The following ABL1 variants were observed in gnomAD, a reference collection of about 807,000 sequenced individuals.
ABL1 encodes the protein tyrosine-protein kinase ABL1.
ABL1 carries 11 observed loss-of-function variants against 94.7 expected under a neutral mutation model. The observed-to-expected ratio is 0.12, with a 90% CI of 0.07 to 0.19. The LOEUF (loss-of-function observed/expected upper bound fraction) is 0.19, where lower values mean the gene tolerates loss of function less well. ABL1 is among the 10% of genes least tolerant of loss of function. The pLI is 1.00. For synonymous variants in ABL1, 656 were observed against 622.4 expected (o/e 1.05, Z -0.80); for missense variants, 1,082 against 1,489.4 (o/e 0.73, Z 4.50).
chr9:130,847,508 C>G (rs1171205706), intron 1 of ABL1, among the ~76,000 whole-genome samples: 1 of 152,118 alleles, frequency 6.6e-6, no homozygotes, highest in African/African-American at 2.4e-5. Context: ...AAGCTGTGAT[C>G]ATTTTTAAGG....
chr9:130,864,764 C>T (rs1192960195), intron 4 of ABL1, among the ~76,000 whole-genome samples: 2 of 152,110 alleles, frequency 1.3e-5, no homozygotes, highest in Admixed American at 6.5e-5. Context: ...TGCAGGTGCC[C>T]CAGCTCCTTG....
rs1830551165 is a variant in ABL1 at position 130,835,351 on chromosome 9, G to A, written c.-96G>A. The A allele has an allele frequency of 1.9e-5, 8 of 422,966 alleles. No individual in the cohort carries two copies. The highest frequency in any genetic ancestry group is 1.6e-5 in the Non-Finnish European group (6 of 384,358). 26.2% of individuals were successfully genotyped at this position (422,966 alleles called of 1,614,324 possible). On this transcript the variant is annotated 5_prime_UTR_variant, in exon 1 of 11. Coordinates refer to ENST00000318560, the MANE Select transcript of ABL1 (RefSeq NM_005157.6). The surrounding 1 kb of genome is among the most constrained non-coding windows in gnomAD (Gnocchi z 4.6). ...GTGAGGGCGGCTGGCGGGGCCGGGG[G>A]CGCCGGGGGGGCGCGCGGGCCGAGC...
intron 1 of ABL1, among the ~76,000 whole-genome samples, chr9:130,801,706 TGC>T (rs1353887723): frequency 2.0e-5 from 3 of 152,250 alleles, no homozygotes. Context: ...GTTTTGTTTT[TGC>T]CCCTTATAGA....
chr9:130,740,252 G>T (rs986671296), intron 1 of ABL1, among the ~76,000 whole-genome samples: 1 of 152,218 alleles, frequency 6.6e-6, no homozygotes, highest in Non-Finnish European at 1.5e-5. Flanking sequence ...GGGGGACAAT[G>T]AACCACAGGG....
intron 1 of ABL1, among the ~76,000 whole-genome samples, chr9:130,754,507 C>CAAAA (rs34396002): frequency 0.01 from 824 of 78,564 alleles, 25 homozygotes; most frequent in South Asian, 0.031. Flanking sequence ...GACTCCGTCT[C>CAAAA]AAAAAAAAAA....
intron 1 of ABL1, among the ~76,000 whole-genome samples, chr9:130,772,393 G>A (rs1832263394): frequency 6.6e-6 from 1 of 152,216 alleles, no homozygotes; most frequent in African/African-American, 2.4e-5. Flanking sequence ...ACTCACAGAT[G>A]GTCATGATTT....
chr9:130,724,795 G>T, intron 1 of ABL1: 1 of 475,928 alleles, frequency 2.1e-6, no homozygotes, highest in Non-Finnish European at 4.1e-6. Context: ...GAGATGAACT[G>T]GATGCTGCAA....
upstream of ABL1, among the ~76,000 whole-genome samples, chr9:130,831,888 G>A (rs147711954): frequency 2.2e-3 from 339 of 152,218 alleles, 1 homozygote; most frequent in African/African-American, 7.5e-3. Context: ...GATTACAGGC[G>A]TGAGCTACTG....
Position 130,864,980 on chromosome 9 carries a change from G to A in ABL1, c.822+1945G>A, listed in dbSNP as rs3808818. 9.9e-5 allele frequency among the ~76,000 whole-genome samples: 15 copies of A among 152,280 alleles called. No homozygotes were observed. In the East Asian group the frequency reaches 2.7e-3, roughly 27 times the overall value. Reference sequence around the variant, plus strand: ...TGTACAACTTGACATTTGAGGAAACGCTACTTCAGTAGATGGTGCTGTGGC... The same window carrying A: ...TGTACAACTTGACATTTGAGGAAACACTACTTCAGTAGATGGTGCTGTGGC... On this transcript the variant is annotated intron_variant, in intron 4 of 10. Transcript: ENST00000318560.
At chr9:130,832,622 G>A (rs1472152549), upstream of ABL1, among the ~76,000 whole-genome samples, 2 of 152,226 alleles carry the variant, frequency 1.3e-5, no homozygotes, top group African/African-American at 4.8e-5. Context: ...TGAGGCTTAA[G>A]AGTGCCTGGC....
At chr9:130,816,811 C>A (rs528287929) in intron 1 of ABL1, among the ~76,000 whole-genome samples, 3 of 152,336 alleles carry the variant, frequency 2.0e-5, no homozygotes, top group African/African-American at 7.2e-5. Context: ...TCAAGCGATT[C>A]TCCTGCCTCA....
intron 1 of ABL1, among the ~76,000 whole-genome samples, chr9:130,798,385 T>C (rs1172644693): frequency 6.6e-6 from 1 of 152,202 alleles, no homozygotes; most frequent in Non-Finnish European, 1.5e-5. Flanking sequence ...AGAAAAGCTA[T>C]ATTAGTGATG....
intron 1 of ABL1, among the ~76,000 whole-genome samples, chr9:130,776,691 G>T (rs1829663239): frequency 1.3e-5 from 2 of 152,114 alleles, no homozygotes; most frequent in Non-Finnish European, 2.9e-5. Flanking sequence ...GGGGGGAGTT[G>T]CAGGGCTAGT....
chr9:130,834,831 C>G (rs772886144), upstream of ABL1: 85 of 452,062 alleles, frequency 1.9e-4, no homozygotes, highest in African/African-American at 1.4e-3. Flanking sequence ...GAAATGAGAC[C>G]AGTTAGTATT....
Position 130,845,960 on chromosome 9 carries a change from G to A in ABL1, c.80-8104G>A, listed in dbSNP as rs189781719. On this transcript the variant is annotated intron_variant, in intron 1 of 10. Transcript: ENST00000318560. ...GCAGCTGTGTTTCTCCAAGGAGCGG[G>A]GCTACTGCTGGTTCTTTACGTCTTT... Among the ~76,000 whole-genome samples the A allele has an allele frequency of 1.1e-3, 170 of 152,214 alleles. 2 individuals are homozygous for A. The highest frequency in any genetic ancestry group is 4.1e-3 in the African/African-American group (169 of 41,532).
At chr9:130,809,629 G>A (rs966548845) in intron 1 of ABL1, among the ~76,000 whole-genome samples, 1 of 152,156 alleles carries the variant, frequency 6.6e-6, no homozygotes, top group East Asian at 1.9e-4. Context: ...CCAAAGGCAG[G>A]AAAAAAGTTG....
Position 130,874,965 on chromosome 9 carries a change from G to A in ABL1, c.1183G>A (p.Ala395Thr). The A allele has an allele frequency of 6.2e-7, 1 of 1,614,194 alleles. No individual in the cohort carries two copies. The highest frequency in any genetic ancestry group is 8.5e-7 in the Non-Finnish European group (1 of 1,180,034). The change falls in exon 7 of 11, where the codon GCC (alanine) becomes ACC (threonine). Residue 395 changes from alanine (A) to threonine (T), a missense_variant. Coordinates refer to ENST00000318560, the MANE Select transcript of ABL1 (RefSeq NM_005157.6). ...SRLMTGDTYT[A>T]HAGAKFPIKW... Reference sequence around the variant, plus strand: ...GTTGATGACAGGGGACACCTACACAGCCCATGCTGGAGCCAAGTTCCCCAT... The same window carrying A: ...GTTGATGACAGGGGACACCTACACAACCCATGCTGGAGCCAAGTTCCCCAT...
At chr9:130,748,584 T>TC (rs1249491870) in intron 1 of ABL1, among the ~76,000 whole-genome samples, 1 of 152,014 alleles carries the variant, frequency 6.6e-6, no homozygotes, top group Non-Finnish European at 1.5e-5. Context: ...AGCTACTTTT[T>TC]TTTTTTTTTG....
At position 130,877,845 on chromosome 9, in the gene ABL1, C is replaced by T. The variant is rs1390724997; in HGVS notation, c.1271-570C>T. 3.4e-5 allele frequency among the ~76,000 whole-genome samples: 5 copies of T among 147,542 alleles called. No homozygotes were observed. In the South Asian group the frequency reaches 8.5e-4, roughly 25 times the overall value. The stretch of plus-strand genomic sequence containing the variant: ...TTTTTGAGATGGAGTCTCGCTCTGT[C>T]ACCCAGCCTGGAGTGCAGTGGCGCG... On this transcript the variant is annotated intron_variant, in intron 7 of 10. Coordinates refer to ENST00000318560, the MANE Select transcript of ABL1 (RefSeq NM_005157.6).
Sources: allele counts gnomAD v4.1 joint callset (sites outside exome capture counted in the v4.1 genomes callset), GRCh38; gene constraint gnomAD v4.1.1; non-coding constraint Gnocchi (gnomAD v3.1); transcripts MANE v1.5; gene names NCBI Gene and HGNC (gene_info 2026-07-23, HGNC 2026-07-21).